RNGTT: variants seen among roughly 807,000 people sequenced by gnomAD.
The protein encoded by RNGTT is RNA guanylyltransferase and 5'-phosphatase.
In RNGTT, 33 loss-of-function variants were observed where a neutral mutation model predicts 79.3. The ratio of observed to expected loss-of-function variants is 0.42; its 90% CI spans 0.32 to 0.56. RNGTT has a LOEUF of 0.56. RNGTT is among the 20% of genes least tolerant of loss of function. The pLI is 0.17. For synonymous variants in RNGTT, 222 were observed against 235.9 expected, an observed-to-expected ratio of 0.94 and a Z score of 0.54; for missense variants, 497 against 739.1, an observed-to-expected ratio of 0.67 and a Z score of 3.80.
intron 8 of RNGTT, among the ~76,000 whole-genome samples, chr6:88,855,559 A>G (rs1028351477): frequency 6.6e-6 from 1 of 152,050 alleles, no homozygotes; most frequent in Non-Finnish European, 1.5e-5. Flanking sequence ...ATAGAAAAAA[A>G]TTTTTTTAAA....
chr6:88,629,689 G>T (rs1772773579), intron 14 of RNGTT, among the ~76,000 whole-genome samples: 1 of 152,124 alleles, frequency 6.6e-6, no homozygotes, highest in Non-Finnish European at 1.5e-5. Flanking sequence ...AGTTTTCAGA[G>T]GATCTATTCT....
chr6:88,936,335 G>C (rs1784664400), intron 2 of RNGTT, among the ~76,000 whole-genome samples: 1 of 152,210 alleles, frequency 6.6e-6, no homozygotes. Flanking sequence ...CATCAGCAAT[G>C]AGGGACAGTT....
intron 12 of RNGTT, among the ~76,000 whole-genome samples, chr6:88,794,986 A>T (rs879902651): frequency 1.3e-5 from 2 of 152,176 alleles, no homozygotes; most frequent in Non-Finnish European, 2.9e-5. Flanking sequence ...AAAAATCTCC[A>T]TATCAGAGAA....
At chr6:88,878,278 G>T (rs1782584218) in intron 8 of RNGTT, among the ~76,000 whole-genome samples, 1 of 151,754 alleles carries the variant, frequency 6.6e-6, no homozygotes, top group East Asian at 1.9e-4. Context: ...CTATTTTTTA[G>T]TAGACACAGG....
chr6:88,843,890 A>G (rs1266468804), intron 11 of RNGTT, among the ~76,000 whole-genome samples: 1 of 150,346 alleles, frequency 6.7e-6, no homozygotes, highest in East Asian at 2.0e-4. Flanking sequence ...GAAACAACAA[A>G]AATACTAAAA....
intron 14 of RNGTT, among the ~76,000 whole-genome samples, chr6:88,664,075 T>C (rs1267999558): frequency 6.6e-6 from 1 of 151,938 alleles, no homozygotes; most frequent in East Asian, 1.9e-4. Flanking sequence ...CAGCTGATTA[T>C]CAGAACCCCC....
At chr6:88,892,178 A>C (rs538158450) in intron 6 of RNGTT, among the ~76,000 whole-genome samples, 3 of 152,194 alleles carry the variant, frequency 2.0e-5, no homozygotes, top group African/African-American at 7.2e-5. Context: ...TAATTTATCT[A>C]CCATTTATTG....
intron 14 of RNGTT, among the ~76,000 whole-genome samples, chr6:88,657,780 C>T (rs1214377842): frequency 6.6e-6 from 1 of 152,170 alleles, no homozygotes; most frequent in East Asian, 1.9e-4. Flanking sequence ...AAGCCTGTCA[C>T]TGCCAGCTTT....
At chr6:88,742,034 A>C (rs1178569903) in intron 13 of RNGTT, among the ~76,000 whole-genome samples, 1 of 152,250 alleles carries the variant, frequency 6.6e-6, no homozygotes, top group East Asian at 1.9e-4. Flanking sequence ...AACTGATGTT[A>C]AAAAACATTT....
At chr6:88,956,738 A>G (rs1785444305) in intron 1 of RNGTT, among the ~76,000 whole-genome samples, 1 of 152,190 alleles carries the variant, frequency 6.6e-6, no homozygotes, top group Non-Finnish European at 1.5e-5. Flanking sequence ...GGTTTACCAT[A>G]CACAAGTCAA....
chr6:88,641,392 A>G (rs1461315006), intron 14 of RNGTT, among the ~76,000 whole-genome samples: 1 of 152,028 alleles, frequency 6.6e-6, no homozygotes, highest in Admixed American at 6.6e-5. Context: ...TACTGTAAGC[A>G]TGATTATATA....
Position 88,962,163 on chromosome 6 carries a change from G to C in RNGTT, c.64+1183C>G, listed in dbSNP as rs181343800. Among the ~76,000 whole-genome samples, 451 of 152,264 alleles carry C rather than the reference G, an allele frequency of 3.0e-3. 1 individual carries two copies. The highest frequency in any genetic ancestry group is 4.1e-3 in the Admixed American group (63 of 15,294). On this transcript the variant is annotated intron_variant, in intron 1 of 15. Coordinates refer to ENST00000369485, the MANE Select transcript of RNGTT (RefSeq NM_003800.5). ...GAAAGCAGATCAGTGGCTGCCAGGC[G>C]AAGGAGGGATTTAAAAAGGGGCAAG...
intron 13 of RNGTT, among the ~76,000 whole-genome samples, chr6:88,760,303 G>A (rs1778170105): frequency 1.3e-5 from 2 of 152,124 alleles, no homozygotes; most frequent in Admixed American, 6.5e-5. Context: ...GGAAACAAGA[G>A]TTACTAATAC....
At chr6:88,625,016 A>T (rs950518179) in intron 14 of RNGTT, among the ~76,000 whole-genome samples, 7 of 151,948 alleles carry the variant, frequency 4.6e-5, no homozygotes, top group Non-Finnish European at 1.0e-4. Context: ...GCAAATTAAA[A>T]TCACACTGAG....
intron 13 of RNGTT, among the ~76,000 whole-genome samples, chr6:88,710,521 A>G (rs1263846530): frequency 2.6e-5 from 4 of 152,178 alleles, no homozygotes; most frequent in Non-Finnish European, 5.9e-5. Context: ...TTTTCCAAGC[A>G]TGATATTTAA....
In RNGTT at chr6:88,823,463, T is replaced by C. The variant is rs147885680; in HGVS notation, c.1269+20894A>G. On this transcript the variant is annotated intron_variant, in intron 11 of 15. Coordinates refer to ENST00000369485, the MANE Select transcript of RNGTT (RefSeq NM_003800.5). ...GGAAAAAAGAAAAAAAAAAAGCCTC[T>C]GTTAAGAAAATAAAACAGCAAATTA... is the stretch of plus-strand genomic sequence containing the variant. 3.6e-3 allele frequency among the ~76,000 whole-genome samples: 548 copies of C among 150,218 alleles called. 2 individuals are homozygous for C. The highest frequency in any genetic ancestry group is 0.013 in the African/African-American group (514 of 41,064).
intron 4 of RNGTT, among the ~76,000 whole-genome samples, chr6:88,913,228 A>AAAAAAAAAAAC (rs1783892524): frequency 7.7e-6 from 1 of 129,786 alleles, no homozygotes; most frequent in African/African-American, 3.0e-5. Flanking sequence ...AAAAAAAAAC[A>AAAAAAAAAAAC]AAAAAAAAAA....
intron 12 of RNGTT, among the ~76,000 whole-genome samples, chr6:88,771,574 T>C (rs1208310987): frequency 6.6e-6 from 1 of 151,848 alleles, no homozygotes; most frequent in Non-Finnish European, 1.5e-5. Context: ...CCAATTTCTA[T>C]GAAAAATAAG....
intron 4 of RNGTT, among the ~76,000 whole-genome samples, chr6:88,910,191 C>T (rs1783786355): frequency 6.6e-6 from 1 of 152,092 alleles, no homozygotes; most frequent in African/African-American, 2.4e-5. Context: ...GGCAAGGAAG[C>T]TCAACAAGAC....
Sources: gnomAD v4.1 joint callset for allele counts (sites outside exome capture counted in the v4.1 genomes callset) on GRCh38, gnomAD v4.1.1 for gene constraint, MANE v1.5 for transcripts, NCBI Gene and HGNC (gene_info 2026-07-23, HGNC 2026-07-21) for gene names.